Variants in ONECUT1 observed in about 807,000 individuals in gnomAD.
ONECUT1 encodes the protein one cut homeobox 1, also known as hepatocyte nuclear factor 6.
A neutral mutation model predicts 25.6 loss-of-function variants in ONECUT1; 12 were observed. That is an observed-to-expected ratio of 0.47 (90% CI 0.30 to 0.76). The LOEUF (loss-of-function observed/expected upper bound fraction) is 0.76, where lower values mean the gene tolerates loss of function less well. Ranked by LOEUF, ONECUT1 falls within the 30% of genes least tolerant of loss-of-function variation. ONECUT1 has a pLI of 0.07. For synonymous variants in ONECUT1, 285 were observed against 270.2 expected (o/e 1.05, Z -0.54); for missense variants, 620 against 651.2 (o/e 0.95, Z 0.52).
chr15:52,766,594 T>C (rs146630589), intron 1 of ONECUT1, among the ~76,000 whole-genome samples: 14 of 152,290 alleles, frequency 9.2e-5, no homozygotes, highest in Non-Finnish European at 1.6e-4. Context: ...TCTGGCAGCA[T>C]AGCAGACAGC....
Position 52,757,696 on chromosome 15 carries a change from G to C in ONECUT1, c.1257C>G (p.Ser419=). ...RPSKELQITI[S]QQLGLELSTV... ...TGCTCAGCTCCAACCCCAGCTGCTG[G>C]GAAATGGTGATTTGCAATTCTTTGG... Residue 419 remains serine (S), a synonymous_variant, in exon 2 of 2, where the codon TCC becomes TCG. Coordinates refer to ENST00000305901, the MANE Select transcript of ONECUT1 (RefSeq NM_004498.4). 6.2e-7 allele frequency: 1 copy of C among 1,614,104 alleles called. No homozygotes were observed. Among genetic ancestry groups the C allele is most frequent in the Non-Finnish European group, 8.5e-7 (1 of 1,180,012 alleles).
At chr15:52,780,686 C>T in intron 1 of ONECUT1, 1 of 1,530,560 alleles carries the variant, frequency 6.5e-7, no homozygotes, top group African/African-American at 1.4e-5. Flanking sequence ...GCAGCGAGCA[C>T]AGAGGTCACT....
chr15:52,763,514 G>A (rs1456346156), intron 1 of ONECUT1, among the ~76,000 whole-genome samples: 3 of 152,222 alleles, frequency 2.0e-5, no homozygotes, highest in African/African-American at 7.2e-5. Context: ...TTTGCAGGAG[G>A]TTGAAAGGTA....
At position 52,761,665 on chromosome 15, in the gene ONECUT1, C is replaced by T. The variant is rs75549041; in HGVS notation, c.1106-3818G>A. ...CAGCCTGGGCAAGAGAGCAAGATTCCATTTCAGAAAAAGAAAAGAAAACCA... is the reference window on the plus strand; with the variant it reads ...CAGCCTGGGCAAGAGAGCAAGATTCTATTTCAGAAAAAGAAAAGAAAACCA... On this transcript the variant is annotated intron_variant, in intron 1 of 1. Coordinates refer to ENST00000305901, the MANE Select transcript of ONECUT1 (RefSeq NM_004498.4). 1.4e-4 allele frequency among the ~76,000 whole-genome samples: 21 copies of T among 152,072 alleles called. No homozygotes were observed. In the East Asian group the frequency reaches 3.9e-3, roughly 28 times the overall value.
intron 1 of ONECUT1, among the ~76,000 whole-genome samples, chr15:52,778,403 G>T (rs2083818223): frequency 6.6e-6 from 1 of 152,170 alleles, no homozygotes; most frequent in Non-Finnish European, 1.5e-5. Flanking sequence ...GTCTTTGCAT[G>T]TCTCTAAGAG....
Position 52,789,939 on chromosome 15 carries a change from G to A in ONECUT1, c.-55C>T. 1.4e-6 allele frequency: 2 copies of A among 1,470,676 alleles called. No homozygotes were observed. Among genetic ancestry groups the A allele is most frequent in the Non-Finnish European group, 1.8e-6 (2 of 1,119,950 alleles). The allele number at this position is 1,470,676 out of a possible 1,614,324, so 91.1% of individuals were successfully genotyped here. The stretch of plus-strand genomic sequence containing the variant: ...AACATCGATGTGGCCAGGCAGAGGC[G>A]GCGAGGGGCGCACGGAGTCCGGTCT... On this transcript the variant is annotated 5_prime_UTR_variant, in exon 1 of 2. Transcript: ENST00000305901. This position sits in a 1 kb window ranked among gnomAD's most constrained non-coding sequence, Gnocchi z 4.1.
At chr15:52,777,047 C>G (rs2083805550) in intron 1 of ONECUT1, among the ~76,000 whole-genome samples, 1 of 152,096 alleles carries the variant, frequency 6.6e-6, no homozygotes, top group Non-Finnish European at 1.5e-5. Flanking sequence ...TAGTGAGGAC[C>G]TATAGAACAT....
chr15:52,781,540 A>G (rs541389416), intron 1 of ONECUT1, among the ~76,000 whole-genome samples: 1 of 152,290 alleles, frequency 6.6e-6, no homozygotes, highest in East Asian at 1.9e-4. Flanking sequence ...GGAGGATAAA[A>G]TGTTCTGGGC....
At chr15:52,782,771 T>A (rs75220040) in intron 1 of ONECUT1, among the ~76,000 whole-genome samples, 1 of 152,190 alleles carries the variant, frequency 6.6e-6, no homozygotes, top group East Asian at 1.9e-4. Context: ...AAACTAGTCA[T>A]TTCTCATTCA....
At position 52,778,997 on chromosome 15, in the gene ONECUT1, T is replaced by TTTC. The variant is rs1415115106; in HGVS notation, c.1105+9782_1105+9783insGAA. ...ATTCTTAATCCAGAGAGGGTTTTCTTTTTTTTTTTTTTGTAACTGAAGATG... is the reference window on the plus strand; with the variant it reads ...ATTCTTAATCCAGAGAGGGTTTTCTTTTCTTTTTTTTTTTTGTAACTGAAGATG... On this transcript the variant is annotated intron_variant, in intron 1 of 1. Coordinates refer to ENST00000305901, the MANE Select transcript of ONECUT1 (RefSeq NM_004498.4). Among the ~76,000 whole-genome samples, 3 of 145,474 alleles carry TTTC rather than the reference T, an allele frequency of 2.1e-5. No homozygotes were observed. In the East Asian group the frequency reaches 7.3e-4, roughly 36 times the overall value.
intron 1 of ONECUT1, among the ~76,000 whole-genome samples, chr15:52,758,726 T>G (rs1005617258): frequency 6.6e-6 from 1 of 152,196 alleles, no homozygotes; most frequent in Admixed American, 6.5e-5. Flanking sequence ...GATGGAGTTA[T>G]TCTAATGTAT....
chr15:52,777,299 G>T (rs1458201839), intron 1 of ONECUT1, among the ~76,000 whole-genome samples: 1 of 152,098 alleles, frequency 6.6e-6, no homozygotes, highest in Admixed American at 6.5e-5. Context: ...ATTCTAATTT[G>T]CCACTTGAAT....
In ONECUT1 at chr15:52,759,854, C is replaced by T. The variant is rs572691580; in HGVS notation, c.1106-2007G>A. 7.9e-5 allele frequency among the ~76,000 whole-genome samples: 12 copies of T among 152,152 alleles called. No homozygotes were observed. In the South Asian group the frequency reaches 2.3e-3, roughly 29 times the overall value. On this transcript the variant is annotated intron_variant, in intron 1 of 1. Coordinates refer to ENST00000305901, the MANE Select transcript of ONECUT1 (RefSeq NM_004498.4). ...GAGCTCCTGGGCTCAAGCAGTCTGC[C>T]CACCTTGGCCTCCCATTAGAGGTGT...
chr15:52,777,392 G>A (rs1161540625), intron 1 of ONECUT1, among the ~76,000 whole-genome samples: 1 of 152,084 alleles, frequency 6.6e-6, no homozygotes, highest in African/African-American at 2.4e-5. Context: ...TGCTCTTCTA[G>A]AGGAATAGGA....
intron 1 of ONECUT1, among the ~76,000 whole-genome samples, chr15:52,761,760 A>T (rs1211352051): frequency 6.6e-6 from 1 of 152,258 alleles, no homozygotes; most frequent in Non-Finnish European, 1.5e-5. Flanking sequence ...CAAATCAAGA[A>T]GACTTCTTGA....
In ONECUT1 at chr15:52,757,186, G is replaced by A. The variant is rs142172040; in HGVS notation, c.*369C>T. ...TAGTACTGAGACACCATACACCTTCGTGGCATGGTAGAACAGATGAGAAAG... is the reference window on the plus strand; with the variant it reads ...TAGTACTGAGACACCATACACCTTCATGGCATGGTAGAACAGATGAGAAAG... On this transcript the variant is annotated 3_prime_UTR_variant, in exon 2 of 2. Coordinates refer to ENST00000305901, the MANE Select transcript of ONECUT1 (RefSeq NM_004498.4). 1.3e-4 allele frequency: 27 copies of A among 211,040 alleles called. No individual in the cohort carries two copies. The highest frequency in any genetic ancestry group is 5.2e-4 in the East Asian group (4 of 7,694). 13.1% of individuals were successfully genotyped at this position (211,040 alleles called of 1,614,324 possible).
At chr15:52,769,572 G>A (rs950392648) in intron 1 of ONECUT1, among the ~76,000 whole-genome samples, 2 of 152,224 alleles carry the variant, frequency 1.3e-5, no homozygotes, top group African/African-American at 2.4e-5. Flanking sequence ...GTCAGTAAAG[G>A]TTGGCTGAGT....
intron 1 of ONECUT1, among the ~76,000 whole-genome samples, chr15:52,775,011 G>A (rs752722908): frequency 2.0e-5 from 3 of 152,240 alleles, no homozygotes; most frequent in East Asian, 3.9e-4. Flanking sequence ...CTAACATGGC[G>A]AAACTCTGTC....
chr15:52,759,988 T>C (rs1362160500), intron 1 of ONECUT1, among the ~76,000 whole-genome samples: 1 of 152,006 alleles, frequency 6.6e-6, no homozygotes, highest in African/African-American at 2.4e-5. Flanking sequence ...GGCTCTGGAG[T>C]GTATTCACCC....
Sources: gnomAD v4.1 joint callset for allele counts (sites outside exome capture counted in the v4.1 genomes callset) on GRCh38, gnomAD v4.1.1 for gene constraint, Gnocchi (gnomAD v3.1) non-coding constraint, MANE v1.5 for transcripts, NCBI Gene and HGNC (gene_info 2026-07-23, HGNC 2026-07-21) for gene names.